The following SDK1 variants were observed in gnomAD, a reference collection of about 807,000 sequenced individuals.
SDK1 encodes the protein protein sidekick-1.
SDK1 carries 157 observed loss-of-function variants against 245.5 expected under a neutral mutation model. That is an observed-to-expected ratio of 0.64 (90% confidence interval 0.56 to 0.73). The LOEUF (loss-of-function observed/expected upper bound fraction) is 0.73. SDK1 is among the 30% of genes least tolerant of loss of function. The probability of loss-of-function intolerance (pLI) is 0.00; values close to 1 mark genes in which losing one functional copy is unlikely to be tolerated. For synonymous variants in SDK1, 1,647 were observed against 1,278.5 expected, an observed-to-expected ratio of 1.29 and a Z score of -6.15; for missense variants, 3,583 against 3,002.3, an observed-to-expected ratio of 1.19 and a Z score of -4.52.
intron 30 of SDK1, 76 bp from the exon 31 acceptor site, chr7:4,158,372 A>G: frequency 8.1e-7 from 1 of 1,231,460 alleles, no homozygotes; most frequent in South Asian, 1.3e-5. Flanking sequence ...CCCTCTTCCC[A>G]GGGCTTCACC....
intron 14 of SDK1, among the ~76,000 whole-genome samples, chr7:4,002,459 A>G (rs1370248777): frequency 6.6e-6 from 1 of 152,216 alleles, no homozygotes; most frequent in Non-Finnish European, 1.5e-5. Context: ...CACTGAGCTG[A>G]ACACTAAGAT....
chr7:3,669,786 C>T (rs1041262868), intron 4 of SDK1, among the ~76,000 whole-genome samples: 5 of 152,208 alleles, frequency 3.3e-5, no homozygotes, highest in African/African-American at 1.2e-4. Context: ...CCTATGTATT[C>T]AACAGCCTAT....
At chr7:4,126,670 A>G (rs1239207874) in intron 25 of SDK1, among the ~76,000 whole-genome samples, 2 of 152,278 alleles carry the variant, frequency 1.3e-5, no homozygotes, top group Non-Finnish European at 2.9e-5. Flanking sequence ...CAGTGAGCCA[A>G]GATCGCACCA....
rs559518952 is a variant in SDK1, at chr7:3,435,931, G to A, written c.298+134047G>A. On this transcript the variant is annotated intron_variant, in intron 1 of 44. Transcript: ENST00000404826. ...AGGAAGCAACAAAGGTTCTTCTATT[G>A]GATGTAGTTGAAAAAGCAGAACTGT... Among the ~76,000 whole-genome samples, 82 of 152,280 alleles carry A rather than the reference G, an allele frequency of 5.4e-4. 2 individuals carry two copies. The South Asian group carries it at 0.017, about 31-fold the overall frequency.
At chr7:3,864,626 C>T (rs965623395) in intron 5 of SDK1, among the ~76,000 whole-genome samples, 8 of 152,092 alleles carry the variant, frequency 5.3e-5, no homozygotes, top group African/African-American at 1.4e-4. Context: ...GTGAGGGGCA[C>T]AGCTGACCTT....
At chr7:3,751,448 C>T (rs1239336235) in intron 4 of SDK1, among the ~76,000 whole-genome samples, 19 of 4,208 alleles carry the variant, frequency 4.5e-3, no homozygotes, top group African/African-American at 0.015. Flanking sequence ...AGAACTTCGG[C>T]GGGGGGTGGG....
chr7:4,164,120 A>G (rs1394626965), intron 32 of SDK1, among the ~76,000 whole-genome samples: 2 of 152,152 alleles, frequency 1.3e-5, no homozygotes, highest in African/African-American at 2.4e-5. Flanking sequence ...CTGGAAGAGC[A>G]CTTCTGTGGC....
At chr7:4,230,887 C>T (rs1231666773) in intron 40 of SDK1, among the ~76,000 whole-genome samples, 1 of 152,086 alleles carries the variant, frequency 6.6e-6, no homozygotes. Context: ...TTCCTCCATC[C>T]CCTGTCCACA....
chr7:3,766,772 T>G (rs1312498571), intron 4 of SDK1, among the ~76,000 whole-genome samples: 2 of 152,160 alleles, frequency 1.3e-5, no homozygotes, highest in African/African-American at 4.8e-5. Context: ...CCTTTGAATT[T>G]TTTGGAATTA....
At chr7:3,450,447 A>T (rs748232263) in intron 1 of SDK1, among the ~76,000 whole-genome samples, 6 of 152,136 alleles carry the variant, frequency 3.9e-5, no homozygotes, top group Non-Finnish European at 8.8e-5. Context: ...ATAAAGTGGG[A>T]TGTTTGAGAG....
intron 4 of SDK1, among the ~76,000 whole-genome samples, chr7:3,787,770 G>A (rs530737510): frequency 8.6e-4 from 131 of 152,252 alleles, no homozygotes; most frequent in African/African-American, 3.1e-3. Context: ...CAGAAGTGTA[G>A]CAAGTCAACT....
chr7:4,103,881 C>CT (rs1376786931), intron 22 of SDK1, among the ~76,000 whole-genome samples: 2 of 152,274 alleles, frequency 1.3e-5, no homozygotes, highest in Non-Finnish European at 2.9e-5. Flanking sequence ...ATACTTGAGG[C>CT]TTTCCAGGTC....
chr7:3,556,528 A>C (rs1779592289), intron 1 of SDK1, among the ~76,000 whole-genome samples: 1 of 152,156 alleles, frequency 6.6e-6, no homozygotes, highest in Non-Finnish European at 1.5e-5. Flanking sequence ...TTATACATTT[A>C]ATAACTAGAG....
At chr7:3,813,058 G>C (rs1485069853) in intron 4 of SDK1, among the ~76,000 whole-genome samples, 1 of 151,950 alleles carries the variant, frequency 6.6e-6, no homozygotes, top group Non-Finnish European at 1.5e-5. Context: ...TGAGCATTCA[G>C]GGACTCATTA....
chr7:4,071,792 G>A (rs1316421022), intron 20 of SDK1, among the ~76,000 whole-genome samples: 1 of 152,184 alleles, frequency 6.6e-6, no homozygotes, highest in African/African-American at 2.4e-5. Flanking sequence ...GGCTGCCCGG[G>A]TAGGAAAGAA....
intron 1 of SDK1, among the ~76,000 whole-genome samples, chr7:3,383,951 A>G (rs1043792504): frequency 1.3e-5 from 2 of 152,224 alleles, no homozygotes; most frequent in South Asian, 2.1e-4. Context: ...TTCAGAATAT[A>G]AGACATTAAA....
intron 1 of SDK1, among the ~76,000 whole-genome samples, chr7:3,521,877 A>G (rs1282396527): frequency 2.0e-5 from 3 of 152,180 alleles, no homozygotes; most frequent in Non-Finnish European, 2.9e-5. Context: ...ATTTTAGTTC[A>G]CCAAGATTTG....
chr7:3,541,029 A>T (rs1779037849), intron 1 of SDK1, among the ~76,000 whole-genome samples: 1 of 152,188 alleles, frequency 6.6e-6, no homozygotes, highest in South Asian at 2.1e-4. Context: ...CATGTTAACT[A>T]CCAAAGAACA....
chr7:3,519,492 A>G (rs747189244), intron 1 of SDK1, among the ~76,000 whole-genome samples: 2 of 152,290 alleles, frequency 1.3e-5, no homozygotes, highest in East Asian at 1.9e-4. Flanking sequence ...AGTAACAACA[A>G]TAATAGTCAA....
Sources: gnomAD v4.1 joint callset for allele counts (sites outside exome capture counted in the v4.1 genomes callset) on GRCh38, gnomAD v4.1.1 for gene constraint, MANE v1.5 for transcripts, NCBI Gene and HGNC (gene_info 2026-07-23, HGNC 2026-07-21) for gene names.